EXOC6B: variants seen among roughly 807,000 people sequenced by gnomAD.
EXOC6B encodes SEC15 homolog B.
Under a neutral mutation model 113.5 loss-of-function variants are expected in EXOC6B, and 54 were observed. That is an observed-to-expected ratio of 0.48 (90% CI 0.38 to 0.60). The LOEUF (loss-of-function observed/expected upper bound fraction) is 0.60, where lower values mean the gene tolerates loss of function less well. Ranked by LOEUF, EXOC6B falls within the 20% of genes least tolerant of loss-of-function variation. The pLI, the probability that EXOC6B is intolerant of heterozygous loss-of-function variation, is 0.00. For missense variants in EXOC6B, 797 were observed against 977.5 expected, an observed-to-expected ratio of 0.82 and a Z score of 2.46; for synonymous variants, 357 against 339.0, an observed-to-expected ratio of 1.05 and a Z score of -0.58.
intron 7 of EXOC6B, among the ~76,000 whole-genome samples, chr2:72,575,025 A>G (rs1704742256): frequency 6.6e-6 from 1 of 152,178 alleles, no homozygotes; most frequent in Admixed American, 6.5e-5. Context: ...TTTCCTCCAG[A>G]AATGCAAACT....
chr2:72,364,321 C>A (rs575847941), intron 19 of EXOC6B, among the ~76,000 whole-genome samples: 6 of 151,956 alleles, frequency 3.9e-5, no homozygotes, highest in Non-Finnish European at 2.9e-5. Context: ...CAAATTACTG[C>A]CAATCAGGAA....
At chr2:72,396,161 C>T (rs1294309226) in intron 18 of EXOC6B, among the ~76,000 whole-genome samples, 5 of 152,040 alleles carry the variant, frequency 3.3e-5, no homozygotes, top group Non-Finnish European at 7.4e-5. Context: ...TGAGAGGATA[C>T]TCTTAAATAA....
chr2:72,364,136 C>T (rs1690471802), intron 19 of EXOC6B, among the ~76,000 whole-genome samples: 1 of 151,934 alleles, frequency 6.6e-6, no homozygotes, highest in South Asian at 2.1e-4. Context: ...TTTGGGACTG[C>T]TTTTATACGC....
intron 16 of EXOC6B, among the ~76,000 whole-genome samples, chr2:72,486,916 C>T (rs928676066): frequency 6.6e-6 from 1 of 151,848 alleles, no homozygotes; most frequent in Non-Finnish European, 1.5e-5. Flanking sequence ...CTAGCTATCA[C>T]CCCATTTCTT....
intron 20 of EXOC6B, among the ~76,000 whole-genome samples, chr2:72,240,115 T>C (rs535224950): frequency 2.6e-5 from 4 of 152,314 alleles, no homozygotes. Context: ...CATCATGTCA[T>C]CTACAAATAA....
intron 6 of EXOC6B, among the ~76,000 whole-genome samples, chr2:72,691,364 C>T (rs76876915): frequency 0.037 from 5,658 of 151,846 alleles, 331 homozygotes; most frequent in African/African-American, 0.13. Context: ...TTTAAAGTCA[C>T]CTAGTTTGTA....
chr2:72,382,251 C>A (rs1350404472), intron 18 of EXOC6B, among the ~76,000 whole-genome samples: 1 of 152,152 alleles, frequency 6.6e-6, no homozygotes, highest in Non-Finnish European at 1.5e-5. Flanking sequence ...TGTGAACTTT[C>A]AGAGGGGACA....
intron 1 of EXOC6B, among the ~76,000 whole-genome samples, chr2:72,793,267 T>C (rs1420884663): frequency 1.3e-5 from 2 of 152,182 alleles, no homozygotes; most frequent in Non-Finnish European, 2.9e-5. Context: ...ACAAAGACTT[T>C]CCAAATGTTA....
intron 8 of EXOC6B, among the ~76,000 whole-genome samples, chr2:72,542,354 A>C (rs114584261): frequency 0.024 from 3,677 of 152,288 alleles, 151 homozygotes; most frequent in African/African-American, 0.083. Context: ...GAAGAGACTG[A>C]GCTTCTAGTC....
chr2:72,791,513 C>T (rs1684673066), intron 1 of EXOC6B, among the ~76,000 whole-genome samples: 2 of 152,166 alleles, frequency 1.3e-5, no homozygotes. Context: ...TGCCACTGCA[C>T]TCCAGCCTGA....
At chr2:72,407,645 C>G (rs1463078314) in intron 18 of EXOC6B, among the ~76,000 whole-genome samples, 6 of 152,146 alleles carry the variant, frequency 3.9e-5, no homozygotes, top group Admixed American at 3.3e-4. Context: ...GCAGAAAAGG[C>G]CTTTGACAAA....
rs1035010135 is a variant in EXOC6B at position 72,595,778 on chromosome 2, T to C, written c.670-20110A>G. Among the ~76,000 whole-genome samples the C allele has an allele frequency of 5.3e-5, 8 of 152,024 alleles. No individual in the cohort carries two copies. The East Asian group carries it at 5.8e-4, about 11-fold the overall frequency. On this transcript the variant is annotated intron_variant, in intron 6 of 21. Coordinates refer to ENST00000272427, the MANE Select transcript of EXOC6B (RefSeq NM_015189.3). Reference sequence around the variant, plus strand: ...GATGATAAATATGGAAGACTGACAATGGAATGCCAACATACTGTAATTACT... The same window carrying C: ...GATGATAAATATGGAAGACTGACAACGGAATGCCAACATACTGTAATTACT...
chr2:72,496,444 T>G lies in EXOC6B; in HGVS notation c.1443+10A>C, dbSNP rs1480192636. On this transcript the variant is annotated intron_variant, in intron 14 of 21. Coordinates refer to ENST00000272427, the MANE Select transcript of EXOC6B (RefSeq NM_015189.3). ...ACAACCAGAGAAATTTATTTTAAAG[T>G]ATTCCTTACCTTTTCCAGTTCTATA... 5.3e-6 allele frequency: 8 copies of G among 1,518,624 alleles called. No homozygotes were observed. Among genetic ancestry groups the G allele is most frequent in the Non-Finnish European group, 6.3e-6 (7 of 1,105,318 alleles). The allele number at this position is 1,518,624 out of a possible 1,614,324, so 94.1% of individuals were successfully genotyped here.
chr2:72,631,457 T>TAG (rs1672446183), intron 6 of EXOC6B, among the ~76,000 whole-genome samples: 1 of 10,670 alleles, frequency 9.4e-5, no homozygotes, highest in Non-Finnish European at 2.2e-4. Context: ...TATATATATA[T>TAG]ATATAGAGAG....
At chr2:72,247,285 TG>T (rs1559055772) in intron 20 of EXOC6B, among the ~76,000 whole-genome samples, 1 of 152,142 alleles carries the variant, frequency 6.6e-6, no homozygotes, top group African/African-American at 2.4e-5. Flanking sequence ...CCCTGGGAGT[TG>T]TACTGCTGAT....
chr2:72,612,539 G>A (rs1478275260), intron 6 of EXOC6B, among the ~76,000 whole-genome samples: 1 of 151,976 alleles, frequency 6.6e-6, no homozygotes, highest in African/African-American at 2.4e-5. Flanking sequence ...GTCATCAGGT[G>A]AGGTTTCTAC....
chr2:72,772,082 T>C (rs1287717936), intron 1 of EXOC6B, among the ~76,000 whole-genome samples: 1 of 151,978 alleles, frequency 6.6e-6, no homozygotes, highest in Non-Finnish European at 1.5e-5. Context: ...TAAGAAAATA[T>C]ACATTAAAGG....
chr2:72,476,215 C>A (rs1194709651), intron 17 of EXOC6B, among the ~76,000 whole-genome samples: 2 of 152,204 alleles, frequency 1.3e-5, no homozygotes, highest in Non-Finnish European at 2.9e-5. Flanking sequence ...AAATGGAAAC[C>A]ACTGAAAGTT....
chr2:72,279,537 A>T (rs1414891616), intron 20 of EXOC6B, among the ~76,000 whole-genome samples: 1 of 152,232 alleles, frequency 6.6e-6, no homozygotes, highest in African/African-American at 2.4e-5. Context: ...TTAATAGCAA[A>T]GGAACTCCTA....
Sources: allele counts gnomAD v4.1 joint callset (sites outside exome capture counted in the v4.1 genomes callset), GRCh38; gene constraint gnomAD v4.1.1; transcripts MANE v1.5; gene names NCBI Gene and HGNC (gene_info 2026-07-23, HGNC 2026-07-21).